SPTBN4: variants seen among roughly 807,000 people sequenced by gnomAD.
SPTBN4 encodes spectrin beta, non-erythrocytic 4, also known as spectrin beta chain, non-erythrocytic 4.
SPTBN4 carries 96 observed loss-of-function variants against 277.8 expected under a neutral mutation model. The ratio of observed to expected loss-of-function variants is 0.35; its 90% CI spans 0.29 to 0.41. The LOEUF (loss-of-function observed/expected upper bound fraction) is 0.41. SPTBN4 is among the 10% of genes least tolerant of loss of function. SPTBN4 has a pLI of 1.00. For missense variants in SPTBN4, 3,006 were observed against 3,595.7 expected, an observed-to-expected ratio of 0.84 and a Z score of 4.19; for synonymous variants, 1,481 against 1,580.3, an observed-to-expected ratio of 0.94 and a Z score of 1.49.
At chr19:40,553,370 C>T (rs538333261) in intron 22 of SPTBN4, among the ~76,000 whole-genome samples, 3 of 152,040 alleles carry the variant, frequency 2.0e-5, no homozygotes, top group African/African-American at 2.4e-5. Context: ...TAGTCCCAGC[C>T]GCTTGGGAGG....
chr19:40,562,818 G>A (rs916797282), intron 27 of SPTBN4, among the ~76,000 whole-genome samples: 1 of 149,880 alleles, frequency 6.7e-6, no homozygotes, highest in Non-Finnish European at 1.5e-5. Context: ...TGGGCAACAA[G>A]AGCGAAATTC....
Position 40,570,548 on chromosome 19 carries a change from C to T in SPTBN4, c.7139C>T (p.Pro2380Leu). The part of the protein sequence containing the change: ...DRPRARDRPK[P>L]RRRPRPREGG... ...CCCCGGGCGCGGGACCGGCCCAAGCCGCGACGGCGGCCGCGGCCCAGAGAG... is the reference window on the plus strand; with the variant it reads ...CCCCGGGCGCGGGACCGGCCCAAGCTGCGACGGCGGCCGCGGCCCAGAGAG... Residue 2380 changes from proline (P) to leucine (L), a missense_variant, in exon 33 of 36, where the codon CCG becomes CTG. Pro to Leu is a moderately conservative substitution (Grantham distance 98, BLOSUM62 -3). This residue lies in a region of SPTBN4 where 630 missense variants were observed against 677.6 expected (regional missense o/e 0.93). Coordinates refer to ENST00000598249, the MANE Select transcript of SPTBN4 (RefSeq NM_020971.3). 7.3e-7 allele frequency: 1 copy of T among 1,361,672 alleles called. No individual in the cohort carries two copies. The highest frequency in any genetic ancestry group is 9.4e-7 in the Non-Finnish European group (1 of 1,061,772). 84.3% of individuals were successfully genotyped at this position (1,361,672 alleles called of 1,614,324 possible). A position where few individuals can be genotyped will look rare whatever the true frequency, so the allele number is the denominator to read the frequency against.
intron 12 of SPTBN4, among the ~76,000 whole-genome samples, chr19:40,504,496 A>G (rs532431002): frequency 3.8e-4 from 58 of 152,082 alleles, no homozygotes; most frequent in African/African-American, 1.2e-3. Context: ...GTGAAACCCC[A>G]TCTCTACTAA....
At chr19:40,470,880 C>T (rs1256113851) in intron 1 of SPTBN4, among the ~76,000 whole-genome samples, 1 of 151,384 alleles carries the variant, frequency 6.6e-6, no homozygotes, top group East Asian at 1.9e-4. Flanking sequence ...ATCCGCCTGC[C>T]TCGGCCTCCC....
intron 6 of SPTBN4, among the ~76,000 whole-genome samples, chr19:40,495,804 A>G (rs1395138625): frequency 6.6e-6 from 1 of 152,162 alleles, no homozygotes; most frequent in Admixed American, 6.5e-5. Context: ...TTAGACACAC[A>G]TCATGATCAT....
At chr19:40,550,158 G>A (rs1277565733) in intron 21 of SPTBN4, 80 bp from the exon 22 acceptor site, 9 of 1,177,330 alleles carry the variant, frequency 7.6e-6, no homozygotes, top group African/African-American at 7.5e-5. Flanking sequence ...CTGGGATGCC[G>A]TGCAGGTTTA....
rs2080328415 is a variant in SPTBN4, at chr19:40,506,229, C to T, written c.1666-7C>T. The T allele has an allele frequency of 6.2e-7, 1 of 1,608,578 alleles. No individual in the cohort carries two copies. The highest frequency in any genetic ancestry group is 1.3e-5 in the African/African-American group (1 of 75,026). ...AGAGGTGTGCTCAGTGCTGTCCCCG[C>T]TTGTAGGCTCAGCTGCTGTCCCGGG... On this transcript the variant is annotated splice_polypyrimidine_tract_variant and splice_region_variant and intron_variant, in intron 12 of 35. Transcript: ENST00000598249.
chr19:40,571,942 A>G, intron 33 of SPTBN4, 77 bp from the exon 34 acceptor site: 1 of 1,462,678 alleles, frequency 6.8e-7, no homozygotes, highest in Non-Finnish European at 9.1e-7. Flanking sequence ...AGACATATTC[A>G]GACCTTGAGG....
chr19:40,570,762 C>T (rs1454923464), intron 33 of SPTBN4, 34 bp downstream of exon 33: 1 of 1,591,352 alleles, frequency 6.3e-7, no homozygotes, highest in African/African-American at 1.3e-5. Flanking sequence ...GAAGGCGGGT[C>T]TCAGGCTCAG....
chr19:40,540,909 A>C (rs1364063744), intron 20 of SPTBN4, among the ~76,000 whole-genome samples: 2 of 150,964 alleles, frequency 1.3e-5, no homozygotes, highest in Non-Finnish European at 2.9e-5. Context: ...TCTTTAGCTC[A>C]CTTGCTTTTG....
intron 13 of SPTBN4, among the ~76,000 whole-genome samples, chr19:40,511,070 A>G (rs868714389): frequency 3.9e-5 from 6 of 152,040 alleles, no homozygotes; most frequent in African/African-American, 1.2e-4. Context: ...CACAGTTCAC[A>G]TGCATACATG....
chr19:40,494,570 TATCA>T (rs2080173872), intron 5 of SPTBN4, among the ~76,000 whole-genome samples: 1 of 151,906 alleles, frequency 6.6e-6, no homozygotes, highest in South Asian at 2.1e-4. Context: ...ATCTATCTTC[TATCA>T]ATCTATATAT....
At chr19:40,571,899 C>T (rs547298792) in intron 33 of SPTBN4, 120 bp from the exon 34 acceptor site, 1 of 1,216,712 alleles carries the variant, frequency 8.2e-7, no homozygotes, top group African/African-American at 1.5e-5. Flanking sequence ...TAGGGCGCAA[C>T]TAGGGCGCAA....
chr19:40,555,000 G>A lies in SPTBN4; in HGVS notation c.5084+354G>A, dbSNP rs1006939470. The A allele has an allele frequency of 8.3e-5, 20 of 242,140 alleles. No individual in the cohort carries two copies. Among genetic ancestry groups the A allele is most frequent in the Non-Finnish European group, 1.5e-4 (18 of 122,512 alleles). 15.0% of individuals were successfully genotyped at this position (242,140 alleles called of 1,614,324 possible). A position where few individuals can be genotyped will look rare whatever the true frequency, so the allele number is the denominator to read the frequency against. ...GACAGAAAAGCCTGTGCTGAGATTGGCTATGGCGGTGGGGCTGGAGACCTC... is the reference window on the plus strand; with the variant it reads ...GACAGAAAAGCCTGTGCTGAGATTGACTATGGCGGTGGGGCTGGAGACCTC... On this transcript the variant is annotated intron_variant, in intron 24 of 35. Coordinates refer to ENST00000598249, the MANE Select transcript of SPTBN4 (RefSeq NM_020971.3). This position sits in a 1 kb window ranked among gnomAD's most constrained non-coding sequence, Gnocchi z 5.7.
intron 2 of SPTBN4, among the ~76,000 whole-genome samples, chr19:40,478,927 A>G (rs2079978609): frequency 6.6e-6 from 1 of 152,176 alleles, no homozygotes; most frequent in African/African-American, 2.4e-5. Flanking sequence ...TCTACAAGTA[A>G]AACACATTTA....
At position 40,487,856 on chromosome 19, in the gene SPTBN4, G is replaced by A; in HGVS notation, c.321+8G>A. The A allele has an allele frequency of 2.5e-6, 4 of 1,592,924 alleles. No homozygotes were observed. The highest frequency in any genetic ancestry group is 3.4e-6 in the Non-Finnish European group (4 of 1,170,690). The stretch of plus-strand genomic sequence containing the variant: ...CTGTCTGGGGAGCAGCTGGTGAGGG[G>A]GCCTGAAGGGCTGGGGCAGGGGTCC... On this transcript the variant is annotated splice_region_variant and intron_variant, in intron 3 of 35. Transcript: ENST00000598249.
intron 6 of SPTBN4, among the ~76,000 whole-genome samples, chr19:40,496,769 G>A (rs2080201696): frequency 6.6e-6 from 1 of 152,002 alleles, no homozygotes; most frequent in Non-Finnish European, 1.5e-5. Context: ...AAGCATATGT[G>A]TGTCAGAGGT....
chr19:40,548,847 C>CA (rs2080885525), intron 20 of SPTBN4, among the ~76,000 whole-genome samples: 1 of 152,144 alleles, frequency 6.6e-6, no homozygotes, highest in Non-Finnish European at 1.5e-5. Flanking sequence ...GGGAGACTAC[C>CA]AATCTTGAAG....
chr19:40,527,571 C>T (rs896766752), intron 17 of SPTBN4, among the ~76,000 whole-genome samples: 2 of 152,130 alleles, frequency 1.3e-5, no homozygotes, highest in African/African-American at 2.4e-5. Flanking sequence ...AGGGACCTCA[C>T]GAAGAAGGTG....
Sources: allele counts gnomAD v4.1 joint callset (sites outside exome capture counted in the v4.1 genomes callset), GRCh38; gene constraint gnomAD v4.1.1; regional missense constraint gnomAD v4.1.1; non-coding constraint Gnocchi (gnomAD v3.1); transcripts MANE v1.5; gene names NCBI Gene and HGNC (gene_info 2026-07-23, HGNC 2026-07-21).